The following ELAVL4 variants were observed in gnomAD, a reference collection of about 807,000 sequenced individuals.
ELAVL4 encodes the protein ELAV like RNA binding protein 4.
In ELAVL4, 1 loss-of-function variant was observed where a neutral mutation model predicts 35.6. The observed-to-expected ratio is 0.03, with a 90% CI of 0.01 to 0.13. The LOEUF is 0.13. Among genes scored for constraint, ELAVL4 ranks in the 10% least tolerant of loss-of-function variants. ELAVL4 has a pLI of 1.00. For synonymous variants in ELAVL4, 156 were observed against 171.0 expected (o/e 0.91, Z 0.69); for missense variants, 267 against 464.9 (o/e 0.57, Z 3.91).
chr1:50,136,687 T>A (rs1464636758), intron 1 of ELAVL4, among the ~76,000 whole-genome samples: 1 of 152,216 alleles, frequency 6.6e-6, no homozygotes, highest in East Asian at 1.9e-4. Flanking sequence ...TTCTCGTTTC[T>A]GGGAATACTG....
intron 1 of ELAVL4, among the ~76,000 whole-genome samples, chr1:50,120,594 C>G (rs1668859828): frequency 6.6e-6 from 1 of 151,912 alleles, no homozygotes; most frequent in Non-Finnish European, 1.5e-5. Flanking sequence ...TTTATTAAGC[C>G]ATTATTTCTC....
At chr1:50,182,628 C>T (rs540181923) in intron 3 of ELAVL4, among the ~76,000 whole-genome samples, 2 of 152,160 alleles carry the variant, frequency 1.3e-5, no homozygotes, top group African/African-American at 2.4e-5. Flanking sequence ...CATCTGTCAA[C>T]GACGTGCCAC....
chr1:50,176,542 G>T (rs1250740591), intron 2 of ELAVL4, among the ~76,000 whole-genome samples: 1 of 152,170 alleles, frequency 6.6e-6, no homozygotes, highest in Admixed American at 6.5e-5. Context: ...GCTGTCTTTT[G>T]TTGAGCACCT....
chr1:50,200,727 C>A (rs1038359856), intron 6 of ELAVL4, 124 bp from the exon 7 acceptor site: 70 of 1,509,852 alleles, frequency 4.6e-5, no homozygotes, highest in Admixed American at 3.4e-4. Flanking sequence ...GGTTTTTGAA[C>A]CCTGAAGACT....
At chr1:50,054,297 GA>G (rs1183189662) in intron 1 of ELAVL4, among the ~76,000 whole-genome samples, 4 of 152,144 alleles carry the variant, frequency 2.6e-5, no homozygotes, top group Non-Finnish European at 4.4e-5. Flanking sequence ...GTTAGATTAG[GA>G]TCTGGAAAAG....
chr1:50,165,250 A>G (rs1677540175), intron 2 of ELAVL4, among the ~76,000 whole-genome samples: 1 of 152,114 alleles, frequency 6.6e-6, no homozygotes, highest in African/African-American at 2.4e-5. Context: ...GGGCCTTTGC[A>G]CATGAGATTC....
At chr1:50,158,917 A>C (rs1676234428) in intron 2 of ELAVL4, among the ~76,000 whole-genome samples, 1 of 152,040 alleles carries the variant, frequency 6.6e-6, no homozygotes, top group Admixed American at 6.6e-5. Context: ...AGGCGCCTGT[A>C]ATCCCAGCTA....
At chr1:50,158,544 G>T (rs1188068641) in intron 2 of ELAVL4, among the ~76,000 whole-genome samples, 1 of 152,080 alleles carries the variant, frequency 6.6e-6, no homozygotes, top group Non-Finnish European at 1.5e-5. Context: ...GAAACTTCAG[G>T]AGCTCACTGC....
At position 50,198,257 on chromosome 1, in the gene ELAVL4, A is replaced by G. The variant is rs934212079; in HGVS notation, c.773+790A>G. Among the ~76,000 whole-genome samples the G allele has an allele frequency of 3.3e-5, 5 of 152,116 alleles. No individual in the cohort carries two copies. The East Asian group carries it at 5.8e-4, about 18-fold the overall frequency. On this transcript the variant is annotated intron_variant, in intron 6 of 6. Coordinates refer to ENST00000371824, the MANE Select transcript of ELAVL4 (RefSeq NM_001144774.3). ...ACCCAGTATGAAATCTGAATCTTGG[A>G]AAGTTGGGTGTGTGATGTCACTGTG...
upstream of ELAVL4, chr1:50,105,580 C>G (rs528159504): frequency 6.6e-6 from 1 of 152,066 alleles, no homozygotes; most frequent in African/African-American, 2.4e-5. Context: ...AAAAAGAAAT[C>G]TTTTAAGATG....
rs565784941 is a variant in ELAVL4 at position 50,092,346 on chromosome 1, C to T, written c.18+44164C>T. 3.0e-4 allele frequency among the ~76,000 whole-genome samples: 45 copies of T among 152,206 alleles called. No individual in the cohort carries two copies. In the South Asian group the frequency reaches 3.5e-3, roughly 12 times the overall value. On this transcript the variant is annotated intron_variant, in intron 1 of 6. Transcript: ENST00000448907. The stretch of plus-strand genomic sequence containing the variant: ...CACAAGGGGTCGGGGGCATCCCAGG[C>T]GAGACACCAACTTGTGCAAAGGCAT...
chr1:50,110,746 G>A (rs535042701), intron 1 of ELAVL4, among the ~76,000 whole-genome samples: 1 of 152,266 alleles, frequency 6.6e-6, no homozygotes, highest in South Asian at 2.1e-4. Context: ...GCTCTGCATA[G>A]ATGTTATAAC....
Position 50,070,974 on chromosome 1 carries a change from A to C in ELAVL4, c.18+22792A>C, listed in dbSNP as rs971919354. Among the ~76,000 whole-genome samples, 5 of 151,962 alleles carry C rather than the reference A, an allele frequency of 3.3e-5. No individual in the cohort carries two copies. In the South Asian group the frequency reaches 1.0e-3, roughly 32 times the overall value. The stretch of plus-strand genomic sequence containing the variant: ...GATCTTGTTGACGCTTGCTCACCCC[A>C]CTTCAGTCTCACTGGCCCTCTTGCT... On this transcript the variant is annotated intron_variant, in intron 1 of 6. Transcript: ENST00000448907.
intron 1 of ELAVL4, among the ~76,000 whole-genome samples, chr1:50,067,624 A>G (rs1045013684): frequency 2.6e-5 from 4 of 152,198 alleles, no homozygotes; most frequent in Non-Finnish European, 5.9e-5. Context: ...TACCTATTGT[A>G]TCCAGGCACT....
At chr1:50,057,047 G>A (rs1205743677) in intron 1 of ELAVL4, among the ~76,000 whole-genome samples, 1 of 152,114 alleles carries the variant, frequency 6.6e-6, no homozygotes, top group Non-Finnish European at 1.5e-5. Flanking sequence ...GGAGGTGACA[G>A]GTCCATGTTT....
intron 2 of ELAVL4, chr1:50,174,345 C>G (rs1679586965): frequency 6.6e-6 from 1 of 152,182 alleles, no homozygotes; most frequent in African/African-American, 2.4e-5. Context: ...TTTCAATTCA[C>G]AGGCAAGTTT....
intron 5 of ELAVL4, among the ~76,000 whole-genome samples, chr1:50,197,077 T>C (rs1321990851): frequency 6.6e-6 from 1 of 152,198 alleles, no homozygotes; most frequent in Non-Finnish European, 1.5e-5. Context: ...CAAGTTTAAT[T>C]ATAGTAAAAA....
chr1:50,174,884 T>G (rs1455531802), intron 2 of ELAVL4: 1 of 152,226 alleles, frequency 6.6e-6, no homozygotes, highest in Non-Finnish European at 1.5e-5. Context: ...TCCACATATA[T>G]TCCATCAGTA....
At chr1:50,104,044 C>T (rs370633532), upstream of ELAVL4, 195 of 1,606,454 alleles carry the variant, frequency 1.2e-4, no homozygotes, top group South Asian at 1.4e-3. Context: ...GATGGTAGAC[C>T]GTCAATGGGT....
Sources: gnomAD v4.1 joint callset for allele counts (sites outside exome capture counted in the v4.1 genomes callset) on GRCh38, gnomAD v4.1.1 for gene constraint, MANE v1.5 for transcripts, NCBI Gene and HGNC (gene_info 2026-07-23, HGNC 2026-07-21) for gene names.